GREB1L: variants seen among roughly 807,000 people sequenced by gnomAD.
GREB1L encodes the protein GREB1-like protein.
Under a neutral mutation model 200.8 loss-of-function variants are expected in GREB1L, and 17 were observed. The observed-to-expected ratio is 0.08, with a 90% confidence interval of 0.06 to 0.13. GREB1L has a LOEUF of 0.13. GREB1L is among the 10% of genes least tolerant of loss of function. The pLI is 1.00. For synonymous variants in GREB1L, 789 were observed against 893.0 expected (o/e 0.88, Z 2.08); for missense variants, 1,657 against 2,367.7 (o/e 0.70, Z 6.23).
intron 7 of GREB1L, among the ~76,000 whole-genome samples, chr18:21,431,870 T>C (rs1030388007): frequency 2.6e-5 from 4 of 151,880 alleles, no homozygotes; most frequent in African/African-American, 9.7e-5. Flanking sequence ...GTGTTCTTTT[T>C]TTCATGTAGT....
chr18:21,428,196 CAAAAAAAAAA>C (rs60750456), intron 7 of GREB1L, among the ~76,000 whole-genome samples: 24 of 48,168 alleles, frequency 5.0e-4, no homozygotes, highest in South Asian at 3.3e-3. Context: ...GACTCCGTCT[CAAAAAAAAAA>C]AAAAAAAAAA....
At chr18:21,457,616 A>G (rs1438893991) in intron 15 of GREB1L, among the ~76,000 whole-genome samples, 7 of 152,144 alleles carry the variant, frequency 4.6e-5, no homozygotes, top group African/African-American at 1.2e-4. Flanking sequence ...ACCTCTTTCC[A>G]TGTCATGAAC....
intron 31 of GREB1L, among the ~76,000 whole-genome samples, chr18:21,519,022 A>G (rs1192536897): frequency 1.3e-5 from 2 of 152,212 alleles, no homozygotes; most frequent in African/African-American, 4.8e-5. Context: ...TTTTAACGCT[A>G]AAGTCACTGT....
At chr18:21,513,748 C>T in intron 27 of GREB1L, 73 bp from the exon 28 acceptor site, 1 of 1,375,568 alleles carries the variant, frequency 7.3e-7, no homozygotes, top group Non-Finnish European at 1.0e-6. Flanking sequence ...GAGAATATAG[C>T]TGCCTGTGGG....
At chr18:21,259,129 A>G (rs1453117343) in intron 1 of GREB1L, among the ~76,000 whole-genome samples, 2 of 152,206 alleles carry the variant, frequency 1.3e-5, no homozygotes, top group Admixed American at 1.3e-4. Flanking sequence ...AAGTTCACAT[A>G]TTGCAAACAG....
At chr18:21,497,399 T>C (rs966163860) in intron 21 of GREB1L, among the ~76,000 whole-genome samples, 4 of 152,120 alleles carry the variant, frequency 2.6e-5, no homozygotes, top group Non-Finnish European at 5.9e-5. Flanking sequence ...TCCTAGCACT[T>C]TGGGAGGCCG....
intron 1 of GREB1L, among the ~76,000 whole-genome samples, chr18:21,321,116 A>G (rs1778776501): frequency 6.6e-6 from 1 of 151,794 alleles, no homozygotes; most frequent in Admixed American, 6.6e-5. Flanking sequence ...CAACATAGTG[A>G]AACCCTGTCT....
intron 8 of GREB1L, 140 bp downstream of exon 8, chr18:21,439,777 T>G: frequency 1.6e-6 from 1 of 642,280 alleles, no homozygotes; most frequent in East Asian, 2.7e-5. Flanking sequence ...AGTTTGTAAT[T>G]GGTGTGAACA....
chr18:21,371,694 G>C (rs1243347809), intron 2 of GREB1L, among the ~76,000 whole-genome samples: 2 of 150,182 alleles, frequency 1.3e-5, no homozygotes, highest in South Asian at 2.1e-4. Flanking sequence ...TGAGGCAGGA[G>C]AATGGCATGA....
Position 21,454,371 on chromosome 18 carries a change from G to A in GREB1L, c.1990G>A (p.Asp664Asn), listed in dbSNP as rs149534471. Residue 664 changes from aspartate (D) to asparagine (N), a missense_variant, in exon 15 of 33, where the codon GAT becomes AAT. Asp to Asn is a conservative substitution (Grantham distance 23, BLOSUM62 1). Transcript: ENST00000424526. ...GACTTCTCTTTAAATTTTAGATTTA[G>A]ATAATGAAACCTTCCACATTTATCA... ...AMIPTQNLDL[D>N]NETFHIYQPQ... 1.4e-4 allele frequency: 215 copies of A among 1,548,838 alleles called. 1 individual carries two copies. The East Asian group carries it at 4.9e-3, about 35-fold the overall frequency.
At chr18:21,389,165 A>G (rs2040679081) in intron 4 of GREB1L, among the ~76,000 whole-genome samples, 1 of 151,978 alleles carries the variant, frequency 6.6e-6, no homozygotes, top group Non-Finnish European at 1.5e-5. Context: ...CCATTTATTG[A>G]TGGGTTCATT....
At chr18:21,400,297 A>T (rs1370018138) in intron 5 of GREB1L, among the ~76,000 whole-genome samples, 1 of 152,070 alleles carries the variant, frequency 6.6e-6, no homozygotes, top group Admixed American at 6.6e-5. Context: ...AGGTCACCAA[A>T]ATTTTTATTT....
chr18:21,275,482 C>T (rs756789836), intron 1 of GREB1L, among the ~76,000 whole-genome samples: 5 of 151,730 alleles, frequency 3.3e-5, no homozygotes, highest in Admixed American at 3.3e-4. Flanking sequence ...AGTGAAATCT[C>T]ATCTCTACTA....
intron 27 of GREB1L, 124 bp downstream of exon 27, chr18:21,508,715 G>GAAAAA (rs35816889): frequency 1.6e-4 from 59 of 380,414 alleles, no homozygotes; most frequent in South Asian, 2.9e-4. Context: ...CCACTCTTCG[G>GAAAAA]AAAAAAAAAA....
chr18:21,368,214 C>T (rs2039746267), intron 2 of GREB1L, among the ~76,000 whole-genome samples: 1 of 152,128 alleles, frequency 6.6e-6, no homozygotes, highest in Non-Finnish European at 1.5e-5. Context: ...AAATGTAAGG[C>T]TTAGCATGTA....
chr18:21,491,537 G>A (rs2036334647), intron 19 of GREB1L, among the ~76,000 whole-genome samples: 2 of 151,796 alleles, frequency 1.3e-5, no homozygotes, highest in South Asian at 2.1e-4. Context: ...GTGAAACCCC[G>A]TTTTTACTAA....
chr18:21,499,949 A>C lies in GREB1L; in HGVS notation c.3612A>C (p.Ser1204=), dbSNP rs1908794108. 1.3e-6 allele frequency: 2 copies of C among 1,550,532 alleles called. No homozygotes were observed. The highest frequency in any genetic ancestry group is 1.4e-5 in the African/African-American group (1 of 72,980). ...ASSTTSKPSS[S]SSGPRTLPWP... ...GCACCACCTCCAAGCCGTCATCATCATCCTCAGGACCCAGGACCCTCCCAT... is the reference window on the plus strand; with the variant it reads ...GCACCACCTCCAAGCCGTCATCATCCTCCTCAGGACCCAGGACCCTCCCAT... Residue 1204 remains serine, a synonymous_variant, in exon 22 of 33, where the codon TCA becomes TCC. Transcript: ENST00000424526.
chr18:21,352,915 C>T (rs1420379601), intron 1 of GREB1L, among the ~76,000 whole-genome samples: 1 of 151,832 alleles, frequency 6.6e-6, no homozygotes, highest in East Asian at 2.0e-4. Flanking sequence ...AGCACGATGG[C>T]TCACGCCTGT....
At chr18:21,265,472 A>G (rs2037952129) in intron 1 of GREB1L, among the ~76,000 whole-genome samples, 1 of 152,164 alleles carries the variant, frequency 6.6e-6, no homozygotes, top group South Asian at 2.1e-4. Flanking sequence ...GGTGATGGGC[A>G]TATTTATTGA....
Sources: allele counts gnomAD v4.1 joint callset (sites outside exome capture counted in the v4.1 genomes callset), GRCh38; gene constraint gnomAD v4.1.1; transcripts MANE v1.5; gene names NCBI Gene and HGNC (gene_info 2026-07-23, HGNC 2026-07-21).